The following TRAPPC9 variants were observed in gnomAD, a reference collection of about 807,000 sequenced individuals.
The protein encoded by TRAPPC9 is trafficking protein particle complex subunit 9, also known as IKK2 binding protein.
In TRAPPC9, 83 loss-of-function variants were observed where a neutral mutation model predicts 124.0. The observed-to-expected ratio is 0.67, with a 90% confidence interval of 0.56 to 0.80. The LOEUF (loss-of-function observed/expected upper bound fraction) is 0.80. Ranked by LOEUF, TRAPPC9 falls within the 30% of genes least tolerant of loss-of-function variation. The probability of loss-of-function intolerance (pLI) is 0.00; values close to 1 mark genes in which losing one functional copy is unlikely to be tolerated. For synonymous variants in TRAPPC9, 638 were observed against 617.5 expected (o/e 1.03, Z -0.49); for missense variants, 1,302 against 1,508.3 (o/e 0.86, Z 2.27).
intron 18 of TRAPPC9, among the ~76,000 whole-genome samples, chr8:140,016,968 T>TA (rs1839507539): frequency 1.3e-5 from 2 of 152,264 alleles, no homozygotes; most frequent in African/African-American, 4.8e-5. Context: ...TTCTGTTTTT[T>TA]AATTTTAGCC....
At chr8:139,852,466 CTCTGACAATA>C (rs1827544818) in intron 21 of TRAPPC9, among the ~76,000 whole-genome samples, 1 of 152,180 alleles carries the variant, frequency 6.6e-6, no homozygotes, top group Admixed American at 6.5e-5. Context: ...ACAGTGCGTG[CTCTGACAATA>C]TCTGTTCTCC....
chr8:139,757,519 G>C (rs1038516775), intron 21 of TRAPPC9, among the ~76,000 whole-genome samples: 8 of 151,966 alleles, frequency 5.3e-5, no homozygotes, highest in African/African-American at 1.7e-4. Flanking sequence ...GGAGGAGCCA[G>C]GGTTTGGGTA....
chr8:139,994,700 A>G (rs1678954946), intron 18 of TRAPPC9, among the ~76,000 whole-genome samples: 1 of 152,184 alleles, frequency 6.6e-6, no homozygotes, highest in Admixed American at 6.5e-5. Flanking sequence ...TTCAGATCTG[A>G]TGGTAAACAA....
rs184864986 is a variant in TRAPPC9 at position 140,046,395 on chromosome 8, G to A, written c.2557-22316C>T. On this transcript the variant is annotated intron_variant, in intron 17 of 22. Coordinates refer to ENST00000438773, the MANE Select transcript of TRAPPC9 (RefSeq NM_001160372.4). ...GGAAAGAGAGCTGGATGGACAGGGCGGGCAGGCCAAGGGGCCTTCGCCCCA... is the reference window on the plus strand; with the variant it reads ...GGAAAGAGAGCTGGATGGACAGGGCAGGCAGGCCAAGGGGCCTTCGCCCCA... Among the ~76,000 whole-genome samples the A allele has an allele frequency of 2.7e-3, 409 of 152,366 alleles. 5 individuals are homozygous for A. The highest frequency in any genetic ancestry group is 2.6e-3 in the Non-Finnish European group (180 of 68,038).
chr8:139,997,144 C>G (rs542232080), intron 18 of TRAPPC9, among the ~76,000 whole-genome samples: 4 of 152,190 alleles, frequency 2.6e-5, no homozygotes, highest in Non-Finnish European at 5.9e-5. Flanking sequence ...GCAAACAATA[C>G]ATCCTGCACA....
At chr8:140,394,230 A>G (rs7823724) in intron 7 of TRAPPC9, among the ~76,000 whole-genome samples, 10,129 of 152,264 alleles carry the variant, frequency 0.067, 867 homozygotes, top group African/African-American at 0.2. Flanking sequence ...CCCTGCCCCC[A>G]GCTCCCAACC....
At chr8:139,765,855 C>A (rs1820552808) in intron 21 of TRAPPC9, among the ~76,000 whole-genome samples, 1 of 152,192 alleles carries the variant, frequency 6.6e-6, no homozygotes, top group Admixed American at 6.5e-5. Context: ...CAGCCTGGCA[C>A]AGGGCACACT....
At chr8:140,010,455 A>G (rs978266030) in intron 18 of TRAPPC9, among the ~76,000 whole-genome samples, 1 of 152,242 alleles carries the variant, frequency 6.6e-6, no homozygotes, top group African/African-American at 2.4e-5. Flanking sequence ...GCAAATTCAG[A>G]TAAGGTTAAA....
rs202145451 is a variant in TRAPPC9, at chr8:139,753,345, T to G, written c.3056-21143A>C. Among the ~76,000 whole-genome samples the G allele has an allele frequency of 6.1e-4, 92 of 151,590 alleles. No homozygotes were observed. The East Asian group carries it at 0.017, about 28-fold the overall frequency. On this transcript the variant is annotated intron_variant, in intron 21 of 22. Coordinates refer to ENST00000438773, the MANE Select transcript of TRAPPC9 (RefSeq NM_001160372.4). ...CATCCACCCATCCACCCATCTACCA[T>G]CCATCCATCCATTCATCCATCAACA...
intron 21 of TRAPPC9, among the ~76,000 whole-genome samples, chr8:139,753,306 A>G (rs1819488145): frequency 6.7e-6 from 1 of 148,840 alleles, no homozygotes; most frequent in South Asian, 2.2e-4. Context: ...TCTACCGTCC[A>G]TCCATCCATC....
intron 11 of TRAPPC9, 38 bp downstream of exon 11, chr8:140,300,431 G>A (rs778640444): frequency 1.2e-6 from 2 of 1,613,732 alleles, no homozygotes; most frequent in South Asian, 2.2e-5. Context: ...GAAATCAGGT[G>A]GCAGAGCACG....
chr8:140,446,439 T>G (rs561563910), intron 2 of TRAPPC9, among the ~76,000 whole-genome samples: 1 of 152,214 alleles, frequency 6.6e-6, no homozygotes, highest in Non-Finnish European at 1.5e-5. Context: ...AAGTGGTCAC[T>G]TATACAGGGC....
intron 21 of TRAPPC9, among the ~76,000 whole-genome samples, chr8:139,855,831 C>T (rs889896976): frequency 2.0e-4 from 31 of 152,198 alleles, no homozygotes; most frequent in African/African-American, 6.8e-4. Flanking sequence ...ATAAGACTGG[C>T]AATTGCTTGA....
chr8:139,969,140 G>A (rs1418788453), intron 19 of TRAPPC9, among the ~76,000 whole-genome samples: 1 of 152,260 alleles, frequency 6.6e-6, no homozygotes, highest in Non-Finnish European at 1.5e-5. Context: ...TGAGCGAAGG[G>A]AATTGAGAAG....
chr8:139,918,225 G>C (rs1022773112), intron 19 of TRAPPC9, among the ~76,000 whole-genome samples: 5 of 152,238 alleles, frequency 3.3e-5, no homozygotes, highest in African/African-American at 1.2e-4. Flanking sequence ...AGAAGGCCAA[G>C]GGTTGGAAGT....
At chr8:140,391,922 A>C (rs1366251167) in intron 7 of TRAPPC9, among the ~76,000 whole-genome samples, 3 of 151,720 alleles carry the variant, frequency 2.0e-5, no homozygotes, top group Non-Finnish European at 4.4e-5. Flanking sequence ...GCTACTCGGG[A>C]GGGTGAGGCA....
chr8:140,297,827 C>T (rs772260144), intron 11 of TRAPPC9, among the ~76,000 whole-genome samples: 3 of 152,226 alleles, frequency 2.0e-5, no homozygotes, highest in Admixed American at 1.3e-4. Context: ...CAACTTCTCA[C>T]GTTTGTGTCT....
chr8:139,901,005 A>T (rs933174760), intron 20 of TRAPPC9, among the ~76,000 whole-genome samples: 58 of 148,312 alleles, frequency 3.9e-4, no homozygotes, highest in South Asian at 1.5e-3. Flanking sequence ...AATAAATAAA[A>T]TAAATAAATA....
chr8:140,002,987 G>C (rs1450943758), intron 18 of TRAPPC9, among the ~76,000 whole-genome samples: 2 of 148,782 alleles, frequency 1.3e-5, no homozygotes, highest in East Asian at 2.0e-4. Context: ...ACAACCAAAA[G>C]TAGGATCCAA....
Sources: allele counts gnomAD v4.1 joint callset (sites outside exome capture counted in the v4.1 genomes callset), GRCh38; gene constraint gnomAD v4.1.1; transcripts MANE v1.5; gene names NCBI Gene and HGNC (gene_info 2026-07-23, HGNC 2026-07-21).